The following PSD3 variants were observed in gnomAD, a reference collection of about 807,000 sequenced individuals.
The protein encoded by PSD3 is pleckstrin and Sec7 domain containing 3, also known as PH and SEC7 domain-containing protein 3.
A neutral mutation model predicts 105.5 loss-of-function variants in PSD3; 49 were observed. The ratio of observed to expected loss-of-function variants is 0.46; its 90% confidence interval spans 0.37 to 0.59. PSD3 has a LOEUF of 0.59. Ranked by LOEUF, PSD3 falls within the 20% of genes least tolerant of loss-of-function variation. The probability of loss-of-function intolerance (pLI) is 0.00; values close to 1 mark genes in which losing one functional copy is unlikely to be tolerated. For missense variants in PSD3, 1,561 were observed against 1,263.8 expected (o/e 1.24, Z -3.57); for synonymous variants, 557 against 457.8 (o/e 1.22, Z -2.77).
chr8:18,983,310 C>T (rs577878842), intron 1 of PSD3, among the ~76,000 whole-genome samples: 128 of 152,300 alleles, frequency 8.4e-4, no homozygotes, highest in Middle Eastern at 6.8e-3. Context: ...CAGATTTGCT[C>T]CATATCAGCA....
chr8:18,571,016 C>A (rs954115618), intron 14 of PSD3, among the ~76,000 whole-genome samples: 1 of 151,998 alleles, frequency 6.6e-6, no homozygotes, highest in Non-Finnish European at 1.5e-5. Context: ...TCCACCACTG[C>A]GCCTGGCTAA....
Position 19,076,463 on chromosome 8 carries a change from T to C in PSD3, c.324+7743A>G, listed in dbSNP as rs184051137. ...AAAAAGAGCTCAGAGAGCAGAGTAC[T>C]AGTGGGAGAGATGCAAATATAAAAT... On this transcript the variant is annotated intron_variant, in intron 1 of 1. Transcript: ENST00000521475. Among the ~76,000 whole-genome samples, 73 of 152,092 alleles carry C rather than the reference T, an allele frequency of 4.8e-4. 1 individual carries two copies. The highest frequency in any genetic ancestry group is 1.6e-3 in the African/African-American group (68 of 41,500).
In PSD3 at chr8:18,801,351, C is replaced by T; in HGVS notation, c.1942G>A (p.Glu648Lys). The change falls in exon 7 of 16, where the codon GAA becomes AAA. Residue 648 changes from glutamate (E) to lysine (K), a missense_variant. By Grantham distance (56) the Glu-to-Lys change is moderately conservative. Coordinates refer to ENST00000327040, the MANE Select transcript of PSD3 (RefSeq NM_015310.4). ...YFFKAFSLVG[E>K]TQERERVLIH... The stretch of plus-strand genomic sequence containing the variant: ...AAAACTCTCTCTCGTTCTTGAGTTT[C>T]TCCCACAAGAGAGAATGCTTTAAAG... The T allele has an allele frequency of 6.2e-7, 1 of 1,606,972 alleles. No individual in the cohort carries two copies. The highest frequency in any genetic ancestry group is 8.5e-7 in the Non-Finnish European group (1 of 1,175,092).
intron 1 of PSD3, among the ~76,000 whole-genome samples, chr8:19,030,257 T>G (rs1033995662): frequency 6.6e-6 from 1 of 152,202 alleles, no homozygotes; most frequent in East Asian, 1.9e-4. Flanking sequence ...ATGCTGTAAT[T>G]TTGGTGAATT....
At chr8:18,870,639 CT>C (rs1817268566) in intron 3 of PSD3, among the ~76,000 whole-genome samples, 2 of 151,272 alleles carry the variant, frequency 1.3e-5, no homozygotes, top group African/African-American at 4.9e-5. Context: ...TGTAACAAAC[CT>C]GCACGTTCTG....
chr8:18,929,977 C>T (rs996409558), intron 2 of PSD3, among the ~76,000 whole-genome samples: 1 of 152,070 alleles, frequency 6.6e-6, no homozygotes, highest in South Asian at 2.1e-4. Flanking sequence ...GAAGATCGTA[C>T]TTTAAAATAG....
chr8:19,077,505 T>C (rs973669635), intron 1 of PSD3, among the ~76,000 whole-genome samples: 1 of 152,188 alleles, frequency 6.6e-6, no homozygotes, highest in African/African-American at 2.4e-5. Context: ...GCCCTGCCAT[T>C]ATCTGACAAC....
intron 9 of PSD3, among the ~76,000 whole-genome samples, chr8:18,692,743 C>T (rs913272830): frequency 6.6e-6 from 1 of 152,118 alleles, no homozygotes; most frequent in Non-Finnish European, 1.5e-5. Context: ...ACTTTGGGCA[C>T]ATTTTCTGTA....
At chr8:18,688,038 G>A (rs1800758837) in intron 9 of PSD3, among the ~76,000 whole-genome samples, 1 of 151,932 alleles carries the variant, frequency 6.6e-6, no homozygotes, top group Admixed American at 6.6e-5. Context: ...CAAAGTGCTG[G>A]GATTACAGAT....
At chr8:18,621,981 T>C (rs558666430) in intron 11 of PSD3, among the ~76,000 whole-genome samples, 6 of 152,328 alleles carry the variant, frequency 3.9e-5, no homozygotes, top group African/African-American at 1.4e-4. Context: ...AAATTTGACA[T>C]GTGGGACTAA....
rs150606387 is a variant in PSD3 at position 18,547,669 on chromosome 8, T to A, written c.2928+8540A>T. On this transcript the variant is annotated intron_variant, in intron 15 of 15. Coordinates refer to ENST00000327040, the MANE Select transcript of PSD3 (RefSeq NM_015310.4). Reference sequence around the variant, plus strand: ...GAGGGGCATAAGTGGCAGGTATGTGTAAGCCATCTTGCAGACATCACTTCT... The same window carrying A: ...GAGGGGCATAAGTGGCAGGTATGTGAAAGCCATCTTGCAGACATCACTTCT... Among the ~76,000 whole-genome samples, 69 of 152,346 alleles carry A rather than the reference T, an allele frequency of 4.5e-4. 3 individuals carry two copies. In the East Asian group the frequency reaches 0.013, roughly 28 times the overall value.
intron 9 of PSD3, among the ~76,000 whole-genome samples, chr8:18,702,152 G>C (rs1230661517): frequency 6.6e-6 from 1 of 152,190 alleles, no homozygotes. Context: ...TCCATCTGTA[G>C]AGGAAGGCTG....
rs1006723019 is a variant in PSD3 at position 18,529,083 on chromosome 8, C to G, written c.*6660G>C. 1 of 152,208 alleles carries G rather than the reference C, an allele frequency of 6.6e-6. No individual in the cohort carries two copies. Among genetic ancestry groups the G allele is most frequent in the African/African-American group, 2.4e-5 (1 of 41,448 alleles). The allele number at this position is 152,208 out of a possible 1,614,324, so 9.4% of individuals were successfully genotyped here. A position where few individuals can be genotyped will look rare whatever the true frequency, so the allele number is the denominator to read the frequency against. On this transcript the variant is annotated 3_prime_UTR_variant, in exon 16 of 16. Transcript: ENST00000327040. ...TCTCTCAAAGGAATGATCTGCAGAGCAAGCAGCTCTGCCACCTTGGAAAAT... is the reference window on the plus strand; with the variant it reads ...TCTCTCAAAGGAATGATCTGCAGAGGAAGCAGCTCTGCCACCTTGGAAAAT...
intron 1 of PSD3, among the ~76,000 whole-genome samples, chr8:18,953,247 T>C (rs939893554): frequency 1.3e-5 from 2 of 152,102 alleles, no homozygotes; most frequent in Non-Finnish European, 1.5e-5. Flanking sequence ...AAACTCCTGG[T>C]TGGGGTATAA....
In PSD3 at chr8:18,771,037, G is replaced by T. The variant is rs539090526; in HGVS notation, c.2083-5499C>A. ...GTCTCTGGCCAGATTCTTCTCAGAA[G>T]TTATGCTGTCAGACTGTCCCTCTGA... On this transcript the variant is annotated intron_variant, in intron 8 of 15. Coordinates refer to ENST00000327040, the MANE Select transcript of PSD3 (RefSeq NM_015310.4). 1.6e-4 allele frequency among the ~76,000 whole-genome samples: 24 copies of T among 152,344 alleles called. No homozygotes were observed. In the South Asian group the frequency reaches 5.0e-3, roughly 32 times the overall value.
chr8:18,865,072 G>C (rs1816719041), intron 4 of PSD3: 1 of 150,996 alleles, frequency 6.6e-6, no homozygotes, highest in Admixed American at 6.6e-5. Flanking sequence ...CCGATCAAAA[G>C]AAGAATAACA....
At chr8:18,638,591 G>A (rs1807435881) in intron 10 of PSD3, among the ~76,000 whole-genome samples, 1 of 151,914 alleles carries the variant, frequency 6.6e-6, no homozygotes. Flanking sequence ...AGGAGGTGAA[G>A]ATCTGTGTAC....
chr8:19,002,464 A>T (rs1011033374), intron 1 of PSD3, among the ~76,000 whole-genome samples: 1 of 152,036 alleles, frequency 6.6e-6, no homozygotes, highest in African/African-American at 2.4e-5. Flanking sequence ...TAGTAGTTCT[A>T]GTATCTACTG....
At chr8:19,012,399 A>G (rs1826990610) in intron 1 of PSD3, among the ~76,000 whole-genome samples, 1 of 152,182 alleles carries the variant, frequency 6.6e-6, no homozygotes, top group African/African-American at 2.4e-5. Context: ...GTTTGTAAAT[A>G]CTCTCAGAAA....
Sources: allele counts gnomAD v4.1 joint callset (sites outside exome capture counted in the v4.1 genomes callset), GRCh38; gene constraint gnomAD v4.1.1; transcripts MANE v1.5; gene names NCBI Gene and HGNC (gene_info 2026-07-23, HGNC 2026-07-21).